Variants in AGAP1 observed in about 807,000 individuals in gnomAD.
The protein encoded by AGAP1 is arf-GAP with GTPase, ANK repeat and PH domain-containing protein 1.
A neutral mutation model predicts 105.3 loss-of-function variants in AGAP1; 29 were observed. That is an observed-to-expected ratio of 0.28 (90% CI 0.21 to 0.38). AGAP1 has a LOEUF of 0.38. AGAP1 is among the 10% of genes least tolerant of loss of function. AGAP1 has a pLI of 1.00. For missense variants in AGAP1, 998 were observed against 1,165.1 expected (o/e 0.86, Z 2.09); for synonymous variants, 509 against 485.9 (o/e 1.05, Z -0.63).
intron 5 of AGAP1, among the ~76,000 whole-genome samples, chr2:235,748,804 T>A (rs1242084831): frequency 2.0e-5 from 3 of 152,254 alleles, no homozygotes; most frequent in Non-Finnish European, 4.4e-5. Context: ...TTGCTGCTAT[T>A]TCTTTGACTG....
chr2:236,071,850 G>A (rs1312833428), intron 16 of AGAP1, among the ~76,000 whole-genome samples: 1 of 152,186 alleles, frequency 6.6e-6, no homozygotes, highest in East Asian at 1.9e-4. Flanking sequence ...AGACAGACAG[G>A]TTGGAGCACC....
rs1949713654 is a variant in AGAP1, at chr2:235,691,104, C to G, written c.164-18075C>G. 6.6e-6 allele frequency among the ~76,000 whole-genome samples: 1 copy of G among 152,174 alleles called. No homozygotes were observed. Among genetic ancestry groups the G allele is most frequent in the South Asian group, 2.1e-4 (1 of 4,830 alleles). ...TACCCCCTCCTCCAGACTCTGCTCC[C>G]TAGGCCGAGGTGAGGCCAGCAAGGA... On this transcript the variant is annotated intron_variant, in intron 1 of 17. Coordinates refer to ENST00000304032, the MANE Select transcript of AGAP1 (RefSeq NM_001037131.3). This position sits in a 1 kb window ranked among gnomAD's most constrained non-coding sequence, Gnocchi z 4.4.
intron 1 of AGAP1, chr2:235,670,854 C>T: frequency 1.6e-6 from 2 of 1,286,194 alleles, no homozygotes; most frequent in Non-Finnish European, 2.0e-6. Flanking sequence ...CGCGCGCGGG[C>T]GGCGGCCGGG....
Position 235,555,154 on chromosome 2 carries a change from T to C in AGAP1, c.163+60305T>C, listed in dbSNP as rs996167070. Among the ~76,000 whole-genome samples the C allele has an allele frequency of 2.0e-5, 3 of 152,290 alleles. No individual in the cohort carries two copies. The highest frequency in any genetic ancestry group is 4.8e-5 in the African/African-American group (2 of 41,560). The stretch of plus-strand genomic sequence containing the variant: ...CAGAGGCACAGGGGTTGCTGATTCT[T>C]CTTTCCAGATGGATGTTTCTAAAGT... On this transcript the variant is annotated intron_variant, in intron 1 of 17. Coordinates refer to ENST00000304032, the MANE Select transcript of AGAP1 (RefSeq NM_001037131.3). This position sits in a 1 kb window ranked among gnomAD's most constrained non-coding sequence, Gnocchi z 5.1.
At chr2:235,810,559 C>T (rs199859505) in intron 9 of AGAP1, among the ~76,000 whole-genome samples, 9 of 152,314 alleles carry the variant, frequency 5.9e-5, no homozygotes, top group African/African-American at 2.2e-4. Context: ...ACAGATAGTA[C>T]GTGTCGCAGT....
At chr2:235,591,259 A>G (rs1199940512) in intron 1 of AGAP1, among the ~76,000 whole-genome samples, 1 of 151,490 alleles carries the variant, frequency 6.6e-6, no homozygotes, top group Non-Finnish European at 1.5e-5. Context: ...CAGGTGATGC[A>G]TCCGCCTCAG....
intron 1 of AGAP1, among the ~76,000 whole-genome samples, chr2:235,528,087 T>G (rs987315758): frequency 6.6e-6 from 1 of 152,220 alleles, no homozygotes; most frequent in African/African-American, 2.4e-5. Context: ...GATGTTGTCC[T>G]GGATCTGTCA....
chr2:235,940,396 A>G (rs1171566447), intron 12 of AGAP1, among the ~76,000 whole-genome samples: 2 of 152,186 alleles, frequency 1.3e-5, no homozygotes, highest in East Asian at 3.9e-4. Context: ...TCCCACTGCC[A>G]GTGGAATAGA....
intron 1 of AGAP1, chr2:235,671,049 C>T (rs865908923): frequency 4.7e-6 from 6 of 1,281,890 alleles, no homozygotes; most frequent in East Asian, 3.1e-5. Flanking sequence ...GACGGCTCCC[C>T]GCGCAGAGGT....
intron 9 of AGAP1, among the ~76,000 whole-genome samples, chr2:235,859,710 CT>C (rs1327335314): frequency 6.6e-6 from 1 of 152,116 alleles, no homozygotes; most frequent in African/African-American, 2.4e-5. Flanking sequence ...AAATTTCAAC[CT>C]TTGAAGGAAA....
At chr2:235,717,803 A>G (rs1386195637) in intron 3 of AGAP1, among the ~76,000 whole-genome samples, 159 bp downstream of exon 3, 2 of 152,236 alleles carry the variant, frequency 1.3e-5, no homozygotes, top group Admixed American at 6.5e-5. Flanking sequence ...CTTCTGTAGT[A>G]TTTTTAGCAA....
rs11692100 is a variant in AGAP1 at position 235,889,319 on chromosome 2, G to A, written c.1155+5870G>A. Among the ~76,000 whole-genome samples, 342 of 152,282 alleles carry A rather than the reference G, an allele frequency of 2.2e-3. 1 individual carries two copies. The highest frequency in any genetic ancestry group is 0.014 in the Middle Eastern group (4 of 294). On this transcript the variant is annotated intron_variant, in intron 10 of 17. Coordinates refer to ENST00000304032, the MANE Select transcript of AGAP1 (RefSeq NM_001037131.3). The surrounding 1 kb of genome is among the most constrained non-coding windows in gnomAD (Gnocchi z 4.6). ...GACATTGCAGGACACCGTGGGGCTG[G>A]TGTGAGGCTGAAAATGTACCTAGAA...
In AGAP1 at chr2:235,989,775, G is replaced by A. The variant is rs1377863694; in HGVS notation, c.1645+21152G>A. On this transcript the variant is annotated intron_variant, in intron 13 of 17. Transcript: ENST00000304032. This position sits in a 1 kb window ranked among gnomAD's most constrained non-coding sequence, Gnocchi z 4.4. ...TGAAGACATTGGCAAGCATCAGTCC[G>A]TGCGGGAGACGTGCATGGAGTGGAA... Among the ~76,000 whole-genome samples the A allele has an allele frequency of 6.6e-6, 1 of 152,200 alleles. No individual in the cohort carries two copies. Among genetic ancestry groups the A allele is most frequent in the African/African-American group, 2.4e-5 (1 of 41,444 alleles).
intron 1 of AGAP1, chr2:235,671,184 C>A: frequency 9.4e-7 from 1 of 1,063,790 alleles, no homozygotes; most frequent in South Asian, 4.7e-5. Flanking sequence ...GATGCGAACT[C>A]GGGTACTGCG....
intron 13 of AGAP1, among the ~76,000 whole-genome samples, chr2:236,021,323 C>G (rs73121848): frequency 2.6e-5 from 4 of 152,058 alleles, no homozygotes; most frequent in Non-Finnish European, 5.9e-5. Context: ...ATCACCTCAG[C>G]GCTGAGCAGC....
In AGAP1 at chr2:236,119,669, C is replaced by A. The variant is rs1411224990; in HGVS notation, c.2115-523C>A. ...GCAACTCTCGGCCCCAGAGACCATG[C>A]TTCCATCGTGCGGTCCGTGCTCTCG... On this transcript the variant is annotated intron_variant, in intron 16 of 17. Coordinates refer to ENST00000304032, the MANE Select transcript of AGAP1 (RefSeq NM_001037131.3). The surrounding 1 kb of genome is among the most constrained non-coding windows in gnomAD (Gnocchi z 6.6). 1.3e-5 allele frequency among the ~76,000 whole-genome samples: 2 copies of A among 151,732 alleles called. No homozygotes were observed. The highest frequency in any genetic ancestry group is 1.5e-5 in the Non-Finnish European group (1 of 67,958).
At chr2:236,059,151 AC>A (rs1022596575) in intron 16 of AGAP1, among the ~76,000 whole-genome samples, 3 of 151,254 alleles carry the variant, frequency 2.0e-5, no homozygotes, top group Admixed American at 6.6e-5. Flanking sequence ...AAATAACAAG[AC>A]CGTATCTTTA....
chr2:235,840,899 C>CTGG (rs1960754484), intron 9 of AGAP1, among the ~76,000 whole-genome samples: 1 of 151,708 alleles, frequency 6.6e-6, no homozygotes, highest in Non-Finnish European at 1.5e-5. Flanking sequence ...CTAAGGACCA[C>CTGG]TGGTGGTCTT....
chr2:236,120,225 C>T lies in AGAP1; in HGVS notation c.2148C>T (p.Tyr716=), dbSNP rs769659779. ...EEKERWIRAK[Y]EQKLFLAPLP... is the part of the protein sequence containing the mutation. ...AGGAACGGTGGATCCGTGCCAAGTA[C>T]GAGCAGAAGCTCTTCCTGGCCCCGC... is the stretch of plus-strand genomic sequence containing the variant. Residue 716 remains tyrosine (Y), a synonymous_variant, in exon 17 of 18, where the codon TAC becomes TAT. Coordinates refer to ENST00000304032, the MANE Select transcript of AGAP1 (RefSeq NM_001037131.3). The surrounding 1 kb of genome is among the most constrained non-coding windows in gnomAD (Gnocchi z 6.0). The T allele has an allele frequency of 1.5e-4, 238 of 1,612,998 alleles. 2 individuals carry two copies. Among genetic ancestry groups the T allele is most frequent in the East Asian group, 1.2e-3 (53 of 44,872 alleles).
Sources: allele counts gnomAD v4.1 joint callset (sites outside exome capture counted in the v4.1 genomes callset), GRCh38; gene constraint gnomAD v4.1.1; non-coding constraint Gnocchi (gnomAD v3.1); transcripts MANE v1.5; gene names NCBI Gene and HGNC (gene_info 2026-07-23, HGNC 2026-07-21).